Variants in GSE1 observed in about 807,000 individuals in gnomAD.
The protein encoded by GSE1 is genetic suppressor element 1.
GSE1 carries 32 observed loss-of-function variants against 112.6 expected under a neutral mutation model. The observed-to-expected ratio is 0.28, with a 90% CI of 0.21 to 0.38. The LOEUF (loss-of-function observed/expected upper bound fraction) is 0.38, where lower values mean the gene tolerates loss of function less well. Ranked by LOEUF, GSE1 falls within the 10% of genes least tolerant of loss-of-function variation. The pLI is 1.00. For synonymous variants in GSE1, 1,115 were observed against 735.6 expected, an observed-to-expected ratio of 1.52 and a Z score of -8.35; for missense variants, 2,348 against 1,699.2, an observed-to-expected ratio of 1.38 and a Z score of -6.71.
chr16:85,430,350 C>A, intron 2 of GSE1, among the ~76,000 whole-genome samples: 1 of 152,210 alleles, frequency 6.6e-6, no homozygotes, highest in East Asian at 1.9e-4. Context: ...GACAGCCTCC[C>A]GTGCAGTCCT....
intron 1 of GSE1, among the ~76,000 whole-genome samples, chr16:85,588,472 A>G (rs182265019): frequency 3.3e-5 from 5 of 152,198 alleles, no homozygotes; most frequent in Non-Finnish European, 1.5e-5. Context: ...CATCTGGTCA[A>G]TTAATGCTGA....
In GSE1 at chr16:85,527,547, G is replaced by A. The variant is rs567539891; in HGVS notation, c.2465-106367G>A. Among the ~76,000 whole-genome samples the A allele has an allele frequency of 2.9e-4, 44 of 152,396 alleles. No individual in the cohort carries two copies. The South Asian group carries it at 8.7e-3, about 30-fold the overall frequency. On this transcript the variant is annotated intron_variant, in intron 2 of 2. Coordinates refer to the GSE1 transcript ENST00000637419. The stretch of plus-strand genomic sequence containing the variant: ...AAAGGCAGTTGCTCTGTGCTGGGGA[G>A]GCGGTTACTTCCTACGCACCCGCGC...
chr16:85,566,309 A>G (rs968712136), intron 1 of GSE1, among the ~76,000 whole-genome samples: 2 of 152,220 alleles, frequency 1.3e-5, no homozygotes, highest in African/African-American at 4.8e-5. Context: ...TGAGAAGCCC[A>G]GACTCCTGAA....
At chr16:85,350,831 C>T (rs1446441419) in intron 1 of GSE1, among the ~76,000 whole-genome samples, 2 of 152,186 alleles carry the variant, frequency 1.3e-5, no homozygotes, top group Non-Finnish European at 2.9e-5. Flanking sequence ...GGCTGCAGTG[C>T]AGTGGTGCAA....
At chr16:85,230,168 A>C (rs1215235005) in intron 1 of GSE1, among the ~76,000 whole-genome samples, 3 of 152,112 alleles carry the variant, frequency 2.0e-5, no homozygotes, top group East Asian at 1.9e-4. Context: ...AACTGAAGCT[A>C]ATTGGTTGGG....
Position 85,656,585 on chromosome 16 carries a change from T to G in GSE1, c.1232T>G (p.Val411Gly), listed in dbSNP as rs924708149. The G allele has an allele frequency of 3.2e-6, 5 of 1,547,158 alleles. No homozygotes were observed. The African/African-American group carries it at 6.9e-5, about 21-fold the overall frequency. Reference protein sequence around the residue: ...AKALEPSFLPVAELHGLRGHA... With the variant: ...AKALEPSFLPGAELHGLRGHA... Reference sequence around the variant, plus strand: ...GCCCTGGAGCCCAGCTTCCTGCCCGTGGCCGAGCTGCATGGGCTGCGTGGC... The same window carrying G: ...GCCCTGGAGCCCAGCTTCCTGCCCGGGGCCGAGCTGCATGGGCTGCGTGGC... The change falls in exon 7 of 16, where the codon GTG becomes GGG. Residue 411 changes from valine (V) to glycine (G), a missense_variant. By Grantham distance (109) the Val-to-Gly change is moderately radical. Coordinates refer to ENST00000253458, the MANE Select transcript of GSE1 (RefSeq NM_014615.5).
Position 85,478,941 on chromosome 16 carries a change from CTTTCTTTT to C in GSE1, c.2464+121302_2464+121309del, listed in dbSNP as rs1381200230. ...TTTCTTTCTTTCTCTTTCTTTCTTT[CTTTCTTTT>C]TTTTTCTTTCTTTCTTTCCTTCCTT... On this transcript the variant is annotated intron_variant, in intron 2 of 2. Transcript: ENST00000637419. Among the ~76,000 whole-genome samples, 100 of 104,280 alleles carry C rather than the reference CTTTCTTTT, an allele frequency of 9.6e-4. 3 individuals are homozygous for C. Among genetic ancestry groups the C allele is most frequent in the Non-Finnish European group, 1.6e-3 (84 of 51,536 alleles). The allele number at this position is 104,280 out of a possible 152,430, so 68.4% of individuals were successfully genotyped here.
At chr16:85,651,075 C>T (rs1441465721) in intron 3 of GSE1, among the ~76,000 whole-genome samples, 39 of 127,392 alleles carry the variant, frequency 3.1e-4, no homozygotes, top group Middle Eastern at 4.1e-3. Context: ...CTCCGCCCCT[C>T]CTCCCCCTCC....
upstream of GSE1, among the ~76,000 whole-genome samples, chr16:85,552,328 C>CTTTTTTTTTTTTTTTTTTT (rs1195413161): frequency 4.2e-5 from 2 of 47,754 alleles, no homozygotes; most frequent in African/African-American, 1.3e-4. Flanking sequence ...CCCGCCCCTC[C>CTTTTTTTTTTTTTTTTTTT]TTTTTTTTTT....
chr16:85,184,362 TC>T (rs2074657183), intron 1 of GSE1, among the ~76,000 whole-genome samples: 1 of 152,218 alleles, frequency 6.6e-6, no homozygotes, highest in Admixed American at 6.5e-5. Context: ...GATCTTGTAT[TC>T]CCTAGGGGAA....
At chr16:85,225,022 G>C (rs553050212) in intron 1 of GSE1, among the ~76,000 whole-genome samples, 2 of 152,038 alleles carry the variant, frequency 1.3e-5, no homozygotes, top group Non-Finnish European at 2.9e-5. Flanking sequence ...CCCCAGCTAC[G>C]TGGGAGGCTG....
intron 2 of GSE1, among the ~76,000 whole-genome samples, chr16:85,480,919 C>T (rs1473235855): frequency 2.0e-5 from 3 of 152,234 alleles, no homozygotes; most frequent in Non-Finnish European, 2.9e-5. Context: ...CAAGCACCGG[C>T]GGTGCCCCCA....
upstream of GSE1, chr16:85,554,876 T>G (rs2045120638): frequency 1.0e-6 from 1 of 985,172 alleles, no homozygotes; most frequent in South Asian, 4.7e-5. Context: ...AGCCGCCCAC[T>G]GTTTGCAAAC....
intron 1 of GSE1, among the ~76,000 whole-genome samples, chr16:85,630,594 G>A (rs2049461055): frequency 6.6e-6 from 1 of 152,188 alleles, no homozygotes; most frequent in Admixed American, 6.5e-5. Flanking sequence ...TGGGATTACA[G>A]GTGTGCCCAC....
chr16:85,524,637 C>T (rs1320000390), intron 2 of GSE1, among the ~76,000 whole-genome samples: 1 of 152,122 alleles, frequency 6.6e-6, no homozygotes, highest in African/African-American at 2.4e-5. Flanking sequence ...GGCCAGGAAG[C>T]CAGGTGTGTG....
chr16:85,391,954 C>G (rs2047848347), intron 2 of GSE1, among the ~76,000 whole-genome samples: 1 of 152,146 alleles, frequency 6.6e-6, no homozygotes, highest in Non-Finnish European at 1.5e-5. Flanking sequence ...GGAGTCACTC[C>G]AGCCCAAGAA....
At chr16:85,560,727 C>G (rs1174951400) in intron 1 of GSE1, among the ~76,000 whole-genome samples, 1 of 152,116 alleles carries the variant, frequency 6.6e-6, no homozygotes, top group Non-Finnish European at 1.5e-5. Flanking sequence ...TAGATCCCCC[C>G]TTTCCTGAAC....
At chr16:85,661,861 C>G in intron 9 of GSE1, 96 bp downstream of exon 9, 1 of 1,263,356 alleles carries the variant, frequency 7.9e-7, no homozygotes, top group Non-Finnish European at 1.1e-6. Context: ...CCGTCCACTC[C>G]TGCTTTTTGC....
intron 1 of GSE1, among the ~76,000 whole-genome samples, chr16:85,564,979 G>A (rs1598202161): frequency 6.6e-6 from 1 of 152,184 alleles, no homozygotes; most frequent in African/African-American, 2.4e-5. Flanking sequence ...ATGGTGAAGT[G>A]TGGGAATGAA....
Sources: gnomAD v4.1 joint callset for allele counts (sites outside exome capture counted in the v4.1 genomes callset) on GRCh38, gnomAD v4.1.1 for gene constraint, MANE v1.5 for transcripts, NCBI Gene and HGNC (gene_info 2026-07-23, HGNC 2026-07-21) for gene names.